The following FHIT variants were observed in gnomAD, a reference collection of about 807,000 sequenced individuals.
The protein encoded by FHIT is fragile histidine triad diadenosine triphosphatase.
A neutral mutation model predicts 17.9 loss-of-function variants in FHIT; 19 were observed. The ratio of observed to expected loss-of-function variants is 1.06; its 90% CI spans 0.74 to 1.56. FHIT has a LOEUF of 1.56. FHIT is among the 40% of genes most tolerant of loss of function. The pLI is 0.00. For missense variants in FHIT, 248 were observed against 189.2 expected (o/e 1.31, Z -1.82); for synonymous variants, 81 against 69.7 (o/e 1.16, Z -0.81).
intron 4 of FHIT, among the ~76,000 whole-genome samples, chr3:60,592,238 T>C (rs2038110533): frequency 6.8e-6 from 1 of 146,878 alleles, no homozygotes; most frequent in South Asian, 2.1e-4. Flanking sequence ...ACTATATATA[T>C]TCCATATATA....
At chr3:60,118,219 G>A (rs1576138374) in intron 5 of FHIT, among the ~76,000 whole-genome samples, 1 of 151,822 alleles carries the variant, frequency 6.6e-6, no homozygotes. Context: ...CGATCCTCCT[G>A]CTTCAGCCTC....
intron 5 of FHIT, among the ~76,000 whole-genome samples, chr3:60,074,544 G>T (rs986656937): frequency 1.3e-5 from 2 of 151,856 alleles, no homozygotes; most frequent in African/African-American, 4.8e-5. Context: ...TTTTAGAAAT[G>T]AGTTTCTGTC....
chr3:60,538,792 A>G (rs1231064632), intron 4 of FHIT, among the ~76,000 whole-genome samples: 1 of 152,246 alleles, frequency 6.6e-6, no homozygotes, highest in African/African-American at 2.4e-5. Flanking sequence ...AAAGTAATTC[A>G]AGATGGATTA....
intron 1 of FHIT, among the ~76,000 whole-genome samples, chr3:61,228,971 A>C (rs1346422144): frequency 6.6e-6 from 1 of 152,212 alleles, no homozygotes; most frequent in Non-Finnish European, 1.5e-5. Context: ...GCGGAAGGGA[A>C]AATGGATTTT....
chr3:61,188,913 G>A (rs1284618413), intron 2 of FHIT, among the ~76,000 whole-genome samples: 2 of 151,992 alleles, frequency 1.3e-5, no homozygotes, highest in East Asian at 3.9e-4. Context: ...CAAAAAATGA[G>A]GTATTGATGG....
chr3:60,495,326 T>G (rs1294905956), intron 5 of FHIT, among the ~76,000 whole-genome samples: 1 of 152,198 alleles, frequency 6.6e-6, no homozygotes, highest in East Asian at 1.9e-4. Flanking sequence ...ATTCTCTAAT[T>G]CTTCTTTAAG....
intron 2 of FHIT, among the ~76,000 whole-genome samples, chr3:61,093,623 T>C (rs2035551439): frequency 6.6e-6 from 1 of 152,146 alleles, no homozygotes; most frequent in Admixed American, 6.5e-5. Context: ...CAGAGCAGAT[T>C]TGAAATTAGA....
intron 4 of FHIT, among the ~76,000 whole-genome samples, chr3:60,685,640 C>T (rs1202125375): frequency 6.6e-6 from 1 of 152,120 alleles, no homozygotes; most frequent in Non-Finnish European, 1.5e-5. Flanking sequence ...GTATTCATTC[C>T]ATTTAAACAC....
At chr3:60,012,254 G>GTTT (rs1411614250) in intron 6 of FHIT, among the ~76,000 whole-genome samples, 15 of 132,300 alleles carry the variant, frequency 1.1e-4, no homozygotes, top group Non-Finnish European at 1.8e-4. Flanking sequence ...TAAATCAGGT[G>GTTT]TTTTTTTTGT....
chr3:60,435,395 T>A (rs1345749850), intron 5 of FHIT, among the ~76,000 whole-genome samples: 1 of 151,936 alleles, frequency 6.6e-6, no homozygotes, highest in African/African-American at 2.4e-5. Context: ...GATTGAGGAG[T>A]TGATGTACTA....
intron 3 of FHIT, among the ~76,000 whole-genome samples, chr3:60,999,669 TC>T (rs1411954968): frequency 1.3e-5 from 2 of 151,752 alleles, no homozygotes; most frequent in African/African-American, 2.4e-5. Context: ...TAAAAGGAAT[TC>T]TTTAGGGATC....
intron 8 of FHIT, among the ~76,000 whole-genome samples, chr3:59,790,526 CTCTGTGTG>C (rs1364667595): frequency 1.5e-5 from 2 of 133,880 alleles, no homozygotes; most frequent in African/African-American, 6.3e-5. Flanking sequence ...CTCTCTCTCT[CTCTGTGTG>C]TGTGTGTGTA....
intron 5 of FHIT, among the ~76,000 whole-genome samples, chr3:60,303,304 C>T (rs995213490): frequency 1.2e-4 from 18 of 152,272 alleles, no homozygotes; most frequent in South Asian, 4.1e-4. Flanking sequence ...GACTGCAGGA[C>T]GGCTAATGTG....
At chr3:60,494,288 A>T (rs1455531103) in intron 5 of FHIT, among the ~76,000 whole-genome samples, 4 of 152,194 alleles carry the variant, frequency 2.6e-5, no homozygotes, top group Non-Finnish European at 5.9e-5. Flanking sequence ...TATTTCACAT[A>T]AATTGTATCA....
intron 5 of FHIT, among the ~76,000 whole-genome samples, chr3:60,017,414 T>C (rs1255468659): frequency 6.6e-6 from 1 of 152,206 alleles, no homozygotes; most frequent in African/African-American, 2.4e-5. Context: ...GCTGGCATTT[T>C]GCCCCTTCTC....
At chr3:59,935,963 A>G (rs959352292) in intron 7 of FHIT, among the ~76,000 whole-genome samples, 1 of 152,160 alleles carries the variant, frequency 6.6e-6, no homozygotes, top group African/African-American at 2.4e-5. Context: ...TTTCTTCCCC[A>G]CTGAAAAGTA....
chr3:61,164,427 A>G (rs1034163652), intron 2 of FHIT, among the ~76,000 whole-genome samples: 6 of 152,192 alleles, frequency 3.9e-5, no homozygotes, highest in Non-Finnish European at 8.8e-5. Context: ...GGTATCAACA[A>G]TCGCTTCAGG....
chr3:60,842,880 G>T (rs1379876815), intron 3 of FHIT, among the ~76,000 whole-genome samples: 1 of 151,862 alleles, frequency 6.6e-6, no homozygotes, highest in Admixed American at 6.6e-5. Flanking sequence ...GTTCTTTATA[G>T]AAGTACCCCT....
At chr3:60,121,814 C>T (rs1244381678) in intron 5 of FHIT, among the ~76,000 whole-genome samples, 1 of 152,000 alleles carries the variant, frequency 6.6e-6, no homozygotes, top group African/African-American at 2.4e-5. Context: ...ATGAAATAAA[C>T]CTGTGATCCT....
Sources: allele counts gnomAD v4.1 joint callset (sites outside exome capture counted in the v4.1 genomes callset), GRCh38; gene constraint gnomAD v4.1.1; transcripts MANE v1.5; gene names NCBI Gene and HGNC (gene_info 2026-07-23, HGNC 2026-07-21).